ADAM23: variants seen among roughly 807,000 people sequenced by gnomAD.
The protein encoded by ADAM23 is ADAM metallopeptidase domain 23.
In ADAM23, 33 loss-of-function variants were observed where a neutral mutation model predicts 120.1. The ratio of observed to expected loss-of-function variants is 0.27; its 90% CI spans 0.21 to 0.37. The LOEUF (loss-of-function observed/expected upper bound fraction) is 0.37, where lower values mean the gene tolerates loss of function less well. Ranked by LOEUF, ADAM23 falls within the 10% of genes least tolerant of loss-of-function variation. The probability of loss-of-function intolerance (pLI) is 1.00; values close to 1 mark genes in which losing one functional copy is unlikely to be tolerated. For missense variants in ADAM23, 862 were observed against 1,058.2 expected (o/e 0.81, Z 2.57); for synonymous variants, 367 against 375.2 (o/e 0.98, Z 0.25).
intron 3 of ADAM23, among the ~76,000 whole-genome samples, chr2:206,529,219 G>GT (rs900470675): frequency 4.6e-5 from 7 of 152,136 alleles, no homozygotes; most frequent in Non-Finnish European, 1.0e-4. Context: ...CATAGTCTGA[G>GT]TTAAATACTG....
chr2:206,508,130 C>T (rs111268339), intron 3 of ADAM23, among the ~76,000 whole-genome samples: 89 of 152,208 alleles, frequency 5.8e-4, no homozygotes, highest in Non-Finnish European at 1.1e-3. Flanking sequence ...CCCAGGTTCA[C>T]GCCATTCTCC....
intron 9 of ADAM23, among the ~76,000 whole-genome samples, chr2:206,554,615 A>G (rs1697603336): frequency 6.6e-6 from 1 of 152,120 alleles, no homozygotes; most frequent in Non-Finnish European, 1.5e-5. Context: ...ATTTGTTAGG[A>G]ATATATATAA....
chr2:206,620,610 A>T lies in ADAM23; in HGVS notation c.*2983A>T, dbSNP rs542710771. 1.3e-5 allele frequency: 2 copies of T among 152,274 alleles called. No individual in the cohort carries two copies. Among genetic ancestry groups the T allele is most frequent in the South Asian group, 4.1e-4 (2 of 4,830 alleles). 9.4% of individuals were successfully genotyped at this position (152,274 alleles called of 1,614,324 possible). On this transcript the variant is annotated 3_prime_UTR_variant, in exon 26 of 26. Transcript: ENST00000264377. ...CAACAAGAGTTAGTGTTAAGTGATG[A>T]TCAAGTTCCCATTTCACCTGCTCTA...
Position 206,443,550 on chromosome 2 carries a change from A to C in ADAM23, c.-317A>C, listed in dbSNP as rs936582014. 16 of 122,268 alleles carry C rather than the reference A, an allele frequency of 1.3e-4. No individual in the cohort carries two copies. The highest frequency in any genetic ancestry group is 4.3e-4 in the African/African-American group (16 of 37,342). 7.6% of individuals were successfully genotyped at this position (122,268 alleles called of 1,614,324 possible). A position where few individuals can be genotyped will look rare whatever the true frequency, so the allele number is the denominator to read the frequency against. On this transcript the variant is annotated 5_prime_UTR_variant, in exon 1 of 26. Transcript: ENST00000264377. ...CCTCAGCATCCTCAGGCCCGGCGGC[A>C]GCCCCCGCAGTCGCTGAAGCGGCCG... is the stretch of plus-strand genomic sequence containing the variant.
At chr2:206,481,143 G>C (rs1427811861) in intron 2 of ADAM23, 89 bp from the exon 3 acceptor site, 3 of 979,064 alleles carry the variant, frequency 3.1e-6, no homozygotes, top group Non-Finnish European at 4.5e-6. Context: ...ATACATAAAA[G>C]TTATTCGTCT....
chr2:206,444,535 C>T (rs777837078), intron 1 of ADAM23, among the ~76,000 whole-genome samples: 5 of 152,280 alleles, frequency 3.3e-5, no homozygotes, highest in Non-Finnish European at 7.3e-5. Context: ...GTGGGGGAGG[C>T]ACACTTCGGG....
intron 11 of ADAM23, among the ~76,000 whole-genome samples, chr2:206,560,400 C>T (rs1394262132): frequency 2.0e-5 from 3 of 151,796 alleles, no homozygotes; most frequent in Admixed American, 6.6e-5. Flanking sequence ...TTACTGGCAG[C>T]GGGCATGACA....
At chr2:206,563,963 C>G (rs1697825074) in intron 13 of ADAM23, among the ~76,000 whole-genome samples, 1 of 152,052 alleles carries the variant, frequency 6.6e-6, no homozygotes, top group Admixed American at 6.5e-5. Context: ...ATCTCCTGAC[C>G]TCATGATCTG....
At chr2:206,504,846 T>C (rs1211620116) in intron 3 of ADAM23, among the ~76,000 whole-genome samples, 2 of 152,208 alleles carry the variant, frequency 1.3e-5, no homozygotes, top group East Asian at 3.9e-4. Flanking sequence ...GTATTGCCTA[T>C]AGGGCTCTTA....
chr2:206,561,818 A>G (rs1198339238), intron 12 of ADAM23, among the ~76,000 whole-genome samples: 1 of 152,216 alleles, frequency 6.6e-6, no homozygotes, highest in African/African-American at 2.4e-5. Flanking sequence ...TCAATAGCCT[A>G]CAATTAGCCT....
At chr2:206,474,109 A>G (rs549576573) in intron 2 of ADAM23, among the ~76,000 whole-genome samples, 7 of 152,182 alleles carry the variant, frequency 4.6e-5, no homozygotes, top group African/African-American at 7.2e-5. Context: ...ATTTAATACA[A>G]ATTGTTGCTG....
intron 6 of ADAM23, among the ~76,000 whole-genome samples, chr2:206,545,120 A>G (rs1697368961): frequency 6.6e-6 from 1 of 152,164 alleles, no homozygotes; most frequent in South Asian, 2.1e-4. Flanking sequence ...ATATTTTGTG[A>G]GTGATAGAGT....
At chr2:206,511,280 G>A (rs1320926159) in intron 3 of ADAM23, among the ~76,000 whole-genome samples, 1 of 152,108 alleles carries the variant, frequency 6.6e-6, no homozygotes, top group African/African-American at 2.4e-5. Flanking sequence ...CAGAGTATTT[G>A]AACATTTCCT....
intron 25 of ADAM23, among the ~76,000 whole-genome samples, chr2:206,612,985 A>G (rs1698853936): frequency 6.6e-6 from 1 of 152,170 alleles, no homozygotes; most frequent in South Asian, 2.1e-4. Flanking sequence ...GAATTTTTAA[A>G]TGTTTTATTT....
chr2:206,555,061 A>G (rs1697616040), intron 9 of ADAM23, among the ~76,000 whole-genome samples: 1 of 151,832 alleles, frequency 6.6e-6, no homozygotes, highest in Non-Finnish European at 1.5e-5. Flanking sequence ...CTCTTTGTAT[A>G]CTCTCTACCT....
At chr2:206,545,230 A>G (rs1168579893) in intron 6 of ADAM23, among the ~76,000 whole-genome samples, 2 of 152,162 alleles carry the variant, frequency 1.3e-5, no homozygotes, top group African/African-American at 4.8e-5. Flanking sequence ...GCTCACGCCT[A>G]TAATCCTAGC....
intron 24 of ADAM23, among the ~76,000 whole-genome samples, chr2:206,599,964 G>A (rs1411011957): frequency 6.6e-6 from 1 of 152,192 alleles, no homozygotes; most frequent in East Asian, 1.9e-4. Flanking sequence ...CACTTTGGGA[G>A]GCCAAGGCGG....
At chr2:206,525,610 GAGAC>G (rs1696927222) in intron 3 of ADAM23, among the ~76,000 whole-genome samples, 1 of 151,960 alleles carries the variant, frequency 6.6e-6, no homozygotes, top group Non-Finnish European at 1.5e-5. Context: ...GTTTTATTCT[GAGAC>G]AGAGTCTTGC....
intron 2 of ADAM23, among the ~76,000 whole-genome samples, chr2:206,452,937 C>T (rs908698680): frequency 7.2e-5 from 11 of 152,204 alleles, no homozygotes; most frequent in African/African-American, 2.4e-4. Context: ...TGGTCTCTCT[C>T]TCTGTCAATC....
Sources: allele counts gnomAD v4.1 joint callset (sites outside exome capture counted in the v4.1 genomes callset), GRCh38; gene constraint gnomAD v4.1.1; transcripts MANE v1.5; gene names NCBI Gene and HGNC (gene_info 2026-07-23, HGNC 2026-07-21).